Variants in ARMH3 observed in about 807,000 individuals in gnomAD.
ARMH3 encodes the protein armadillo like helical domain containing 3.
ARMH3 carries 60 observed loss-of-function variants against 99.1 expected under a neutral mutation model. That is an observed-to-expected ratio of 0.61 (90% CI 0.49 to 0.75). The LOEUF (loss-of-function observed/expected upper bound fraction) is 0.75, where lower values mean the gene tolerates loss of function less well. Among genes scored for constraint, ARMH3 ranks in the 30% least tolerant of loss-of-function variants. The pLI is 0.00. For missense variants in ARMH3, 679 were observed against 843.1 expected (o/e 0.81, Z 2.41); for synonymous variants, 285 against 292.8 (o/e 0.97, Z 0.27).
intron 24 of ARMH3, among the ~76,000 whole-genome samples, chr10:101,879,655 G>T (rs1189762257): frequency 1.3e-5 from 2 of 152,032 alleles, no homozygotes; most frequent in East Asian, 3.9e-4. Flanking sequence ...CCCGACCTAT[G>T]ACATAAGAAT....
At position 102,040,004 on chromosome 10, in the gene ARMH3, AG is replaced by A. The variant is rs1249556675; in HGVS notation, c.102+8del. 6.2e-7 allele frequency: 1 copy of A among 1,607,522 alleles called. No individual in the cohort carries two copies. The highest frequency in any genetic ancestry group is 1.3e-5 in the African/African-American group (1 of 74,780). ...CTCAAGCTGTACACAACAAGGCCGCAGGCCTTACCATGAAGATCTCATCATA... is the reference window on the plus strand; with the variant it reads ...CTCAAGCTGTACACAACAAGGCCGCAGCCTTACCATGAAGATCTCATCATA... On this transcript the variant is annotated splice_region_variant and intron_variant, in intron 2 of 25. Transcript: ENST00000370033.
intron 14 of ARMH3, among the ~76,000 whole-genome samples, chr10:102,005,799 A>G (rs1004365777): frequency 1.3e-5 from 2 of 152,352 alleles, no homozygotes; most frequent in South Asian, 2.1e-4. Flanking sequence ...GGTTCCAGCC[A>G]TAAGATTTAT....
At chr10:101,871,752 G>A (rs1468122745) in intron 24 of ARMH3, among the ~76,000 whole-genome samples, 2 of 152,156 alleles carry the variant, frequency 1.3e-5, no homozygotes, top group African/African-American at 4.8e-5. Context: ...TGTAATCCCA[G>A]CACTTTGGGA....
intron 20 of ARMH3, 21 bp downstream of exon 20, chr10:101,975,191 G>T: frequency 6.3e-7 from 1 of 1,587,818 alleles, no homozygotes; most frequent in Non-Finnish European, 8.6e-7. Flanking sequence ...AAAGGAAGAT[G>T]AATTCAAGAG....
intron 20 of ARMH3, among the ~76,000 whole-genome samples, chr10:101,970,332 C>T (rs1845711499): frequency 6.6e-6 from 1 of 152,222 alleles, no homozygotes; most frequent in Non-Finnish European, 1.5e-5. Context: ...AGGTGGATGG[C>T]TGGCCCTATC....
At chr10:101,989,193 A>G (rs1197870376) in intron 19 of ARMH3, among the ~76,000 whole-genome samples, 1 of 152,174 alleles carries the variant, frequency 6.6e-6, no homozygotes, top group East Asian at 1.9e-4. Flanking sequence ...AGAATGTAGG[A>G]GGAGTGGCAA....
At chr10:101,950,884 G>A (rs1326206112) in intron 22 of ARMH3, among the ~76,000 whole-genome samples, 1 of 152,086 alleles carries the variant, frequency 6.6e-6, no homozygotes, top group Non-Finnish European at 1.5e-5. Context: ...GGTGATGGTG[G>A]TACAACTCTC....
At chr10:101,879,431 C>T (rs1310020854) in intron 24 of ARMH3, among the ~76,000 whole-genome samples, 1 of 151,780 alleles carries the variant, frequency 6.6e-6, no homozygotes, top group East Asian at 1.9e-4. Flanking sequence ...CTTACTGCAA[C>T]CTCCACCTCC....
chr10:101,964,683 T>TA (rs1252061611), intron 20 of ARMH3, among the ~76,000 whole-genome samples: 2 of 152,120 alleles, frequency 1.3e-5, no homozygotes, highest in African/African-American at 4.8e-5. Flanking sequence ...AATTCAGAAT[T>TA]AGTGTTGCCA....
At chr10:102,007,878 C>T (rs561156747) in intron 13 of ARMH3, among the ~76,000 whole-genome samples, 121 of 148,388 alleles carry the variant, frequency 8.2e-4, no homozygotes, top group Non-Finnish European at 1.6e-3. Flanking sequence ...ATTCAGATGG[C>T]GGCCTTCCTG....
At chr10:102,025,026 C>G (rs1298829698) in intron 6 of ARMH3, 130 bp downstream of exon 6, 3 of 747,816 alleles carry the variant, frequency 4.0e-6, no homozygotes, top group Non-Finnish European at 6.7e-6. Flanking sequence ...TACATCCAGA[C>G]ACGAGGGAGT....
At chr10:101,912,612 A>G (rs1193912121) in intron 23 of ARMH3, among the ~76,000 whole-genome samples, 1 of 152,182 alleles carries the variant, frequency 6.6e-6, no homozygotes, top group Non-Finnish European at 1.5e-5. Context: ...TGTTGCTGCA[A>G]GTAAAGACAG....
chr10:102,016,602 A>G (rs1354924383), intron 8 of ARMH3, among the ~76,000 whole-genome samples: 2 of 152,242 alleles, frequency 1.3e-5, no homozygotes, highest in Non-Finnish European at 2.9e-5. Context: ...GTCATGCTCT[A>G]GGAAACAGTT....
At chr10:101,869,133 T>C (rs1332629996) in intron 24 of ARMH3, among the ~76,000 whole-genome samples, 2 of 152,078 alleles carry the variant, frequency 1.3e-5, no homozygotes, top group Non-Finnish European at 2.9e-5. Context: ...AGTTAAGTTT[T>C]TGAAGAGTCA....
intron 12 of ARMH3, 62 bp from the exon 13 acceptor site, chr10:102,009,511 C>T: frequency 1.5e-6 from 2 of 1,360,848 alleles, no homozygotes; most frequent in Admixed American, 1.7e-5. Context: ...AACAGTATAA[C>T]CATGAAGATA....
rs1301993102 is a variant in ARMH3 at position 101,889,463 on chromosome 10, T to G, written c.1809A>C (p.Lys603Asn). Residue 603 changes from lysine (K) to asparagine (N), a missense_variant, in exon 24 of 26, where the codon AAA becomes AAC. Lys to Asn is a moderately conservative substitution (Grantham distance 94). Coordinates refer to ENST00000370033, the MANE Select transcript of ARMH3 (RefSeq NM_024541.3). ...IRAIINHFNPKIESYAAVNHI... is the reference protein window; with the variant it reads ...IRAIINHFNPNIESYAAVNHI... ...GATTCACAGCAGCGTAGGACTCAAT[T>G]TTGGGGTTAAAGTGGTTGATGATGG... 2 of 1,613,932 alleles carry G rather than the reference T, an allele frequency of 1.2e-6. No individual in the cohort carries two copies. Among genetic ancestry groups the G allele is most frequent in the Non-Finnish European group, 1.7e-6 (2 of 1,179,828 alleles).
intron 2 of ARMH3, among the ~76,000 whole-genome samples, chr10:102,033,686 G>A (rs572697811): frequency 6.6e-6 from 1 of 152,106 alleles, no homozygotes; most frequent in Non-Finnish European, 1.5e-5. Flanking sequence ...CCAAAGTGCT[G>A]GGATTACAGG....
chr10:102,001,534 ACAGAGTCCCTCTGAATCT>A (rs2066361059), intron 15 of ARMH3, among the ~76,000 whole-genome samples: 1 of 152,202 alleles, frequency 6.6e-6, no homozygotes, highest in Admixed American at 6.5e-5. Flanking sequence ...GTGTTCAAGA[ACAGAGTCCCTCTGAATCT>A]CACCTCTTCC....
chr10:102,017,259 T>A (rs1008408385), intron 8 of ARMH3, among the ~76,000 whole-genome samples: 1 of 152,236 alleles, frequency 6.6e-6, no homozygotes, highest in Non-Finnish European at 1.5e-5. Context: ...GCTTCCTTAA[T>A]GGTTTCTGGT....
Sources: gnomAD v4.1 joint callset for allele counts (sites outside exome capture counted in the v4.1 genomes callset) on GRCh38, gnomAD v4.1.1 for gene constraint, MANE v1.5 for transcripts, NCBI Gene and HGNC (gene_info 2026-07-23, HGNC 2026-07-21) for gene names.